Variants in HTR4 observed in about 807,000 individuals in gnomAD.
HTR4 encodes the protein 5-hydroxytryptamine (serotonin) receptor 4, G protein-coupled.
HTR4 carries 16 observed loss-of-function variants against 36.8 expected under a neutral mutation model. The ratio of observed to expected loss-of-function variants is 0.43; its 90% CI spans 0.29 to 0.66. The LOEUF (loss-of-function observed/expected upper bound fraction) is 0.66, where lower values mean the gene tolerates loss of function less well. Among genes scored for constraint, HTR4 ranks in the 30% least tolerant of loss-of-function variants. HTR4 has a pLI of 0.13. For synonymous variants in HTR4, 189 were observed against 185.1 expected (o/e 1.02, Z -0.17); for missense variants, 438 against 490.9 (o/e 0.89, Z 1.02).
chr5:148,506,182 A>G (rs1260351930), intron 6 of HTR4, among the ~76,000 whole-genome samples: 1 of 152,188 alleles, frequency 6.6e-6, no homozygotes, highest in Non-Finnish European at 1.5e-5. Context: ...AGAGATATAG[A>G]CTAATGGAAT....
chr5:148,599,389 G>C (rs1389558180), intron 2 of HTR4, among the ~76,000 whole-genome samples: 1 of 152,152 alleles, frequency 6.6e-6, no homozygotes, highest in Non-Finnish European at 1.5e-5. Context: ...AGCAGCTTGG[G>C]AGGTGGGGAG....
Position 148,509,851 on chromosome 5 carries a change from C to G in HTR4, c.681G>C (p.Gln227His). 6.2e-7 allele frequency: 1 copy of G among 1,614,030 alleles called. No individual in the cohort carries two copies. The highest frequency in any genetic ancestry group is 1.1e-5 in the South Asian group (1 of 91,060). ...AGGAGGCTCCTGCCCGTTGTAACAT[C>G]TGGATCTGATGGGCATGCTCCTTAG... ...VTAKEHAHQI[Q>H]MLQRAGASSE... is the part of the protein sequence containing the mutation. Residue 227 changes from glutamine to histidine, a missense_variant, in exon 6 of 7, where the codon CAG becomes CAC. Transcript: ENST00000377888.
At chr5:148,473,301 C>CAAAAAAAA (rs35164649), downstream of HTR4, among the ~76,000 whole-genome samples, 1 of 68,636 alleles carries the variant, frequency 1.5e-5, no homozygotes. Flanking sequence ...GACTCCATCT[C>CAAAAAAAA]AAAAAAAAAA....
intron 4 of HTR4, among the ~76,000 whole-genome samples, chr5:148,543,292 A>G (rs892858289): frequency 3.3e-5 from 5 of 152,216 alleles, no homozygotes; most frequent in African/African-American, 1.2e-4. Flanking sequence ...AGGGAGAACA[A>G]GAAGGCAAGA....
In HTR4 at chr5:148,642,459, A is replaced by G. The variant is rs73797939; in HGVS notation, c.-47-5398T>C. 2.5e-3 allele frequency among the ~76,000 whole-genome samples: 380 copies of G among 152,298 alleles called. 1 individual carries two copies. The highest frequency in any genetic ancestry group is 8.3e-3 in the African/African-American group (344 of 41,562). On this transcript the variant is annotated intron_variant, in intron 1 of 6. Coordinates refer to ENST00000377888, the MANE Select transcript of HTR4 (RefSeq NM_000870.7). The stretch of plus-strand genomic sequence containing the variant: ...TGTCTCAAATAGGTTCCATAGGTAG[A>G]ATAAAAGTTAGAGAAATGTGTAAGG...
intron 6 of HTR4, chr5:148,490,493 G>A (rs757668258): frequency 2.4e-5 from 19 of 789,324 alleles, no homozygotes; most frequent in Non-Finnish European, 2.8e-5. Flanking sequence ...CTGAAATAGA[G>A]TTTGCTGTCC....
chr5:148,505,808 A>T (rs1437185999), intron 6 of HTR4, among the ~76,000 whole-genome samples: 3 of 152,156 alleles, frequency 2.0e-5, no homozygotes, highest in Non-Finnish European at 4.4e-5. Context: ...TAGGAATCCA[A>T]CTCACAAGGG....
At chr5:148,592,593 A>G (rs1469759843) in intron 2 of HTR4, among the ~76,000 whole-genome samples, 1 of 151,972 alleles carries the variant, frequency 6.6e-6, no homozygotes, top group African/African-American at 2.4e-5. Context: ...CTTCACCAAT[A>G]TTTTTATATA....
intron 2 of HTR4, among the ~76,000 whole-genome samples, chr5:148,576,768 T>C (rs1009047716): frequency 2.0e-5 from 3 of 152,158 alleles, no homozygotes; most frequent in African/African-American, 7.2e-5. Context: ...GCTAGCCATA[T>C]GCAGAAGATT....
intron 6 of HTR4, chr5:148,509,253 A>T (rs1757374111): frequency 1.9e-6 from 1 of 513,162 alleles, no homozygotes; most frequent in Admixed American, 3.6e-5. Flanking sequence ...TGGGGACTTG[A>T]TTAGAATTCA....
At chr5:148,517,332 A>AT (rs1192827399) in intron 5 of HTR4, among the ~76,000 whole-genome samples, 3 of 151,604 alleles carry the variant, frequency 2.0e-5, no homozygotes, top group African/African-American at 7.3e-5. Context: ...ATCTAGTCAT[A>AT]TGGATTTAAA....
At chr5:148,532,196 A>G (rs187020287) in intron 4 of HTR4, among the ~76,000 whole-genome samples, 1 of 152,274 alleles carries the variant, frequency 6.6e-6, no homozygotes. Context: ...AAACCACTGC[A>G]TTGCCTTCCA....
At chr5:148,461,360 T>C (rs1331477618) in intron 5 of HTR4, among the ~76,000 whole-genome samples, 3 of 152,016 alleles carry the variant, frequency 2.0e-5, no homozygotes, top group Non-Finnish European at 4.4e-5. Context: ...AAACTATATG[T>C]TGTCTACAAG....
intron 4 of HTR4, among the ~76,000 whole-genome samples, chr5:148,540,444 A>G (rs1305148104): frequency 1.8e-5 from 2 of 111,482 alleles, no homozygotes; most frequent in Non-Finnish European, 3.9e-5. Context: ...ATATATATAT[A>G]TATAATCTTA....
chr5:148,504,154 T>C (rs148254482), intron 6 of HTR4, among the ~76,000 whole-genome samples: 222 of 152,314 alleles, frequency 1.5e-3, no homozygotes, highest in African/African-American at 5.0e-3. Flanking sequence ...CTAATAGACG[T>C]CTACAGAACT....
intron 6 of HTR4, among the ~76,000 whole-genome samples, chr5:148,505,819 A>T (rs1229999024): frequency 6.6e-6 from 1 of 152,196 alleles, no homozygotes; most frequent in Non-Finnish European, 1.5e-5. Context: ...CTCACAAGGG[A>T]TGTGAAGGAC....
chr5:148,609,047 T>C (rs1272210855), intron 2 of HTR4, among the ~76,000 whole-genome samples: 1 of 152,190 alleles, frequency 6.6e-6, no homozygotes, highest in Admixed American at 6.5e-5. Context: ...AGTACTTTGA[T>C]TCTGTGCTGA....
chr5:148,525,086 CTG>C (rs1272119850), intron 4 of HTR4, among the ~76,000 whole-genome samples: 2 of 152,180 alleles, frequency 1.3e-5, no homozygotes, highest in African/African-American at 4.8e-5. Flanking sequence ...GAATGGGAGA[CTG>C]TCTTGCTCCG....
chr5:148,607,550 T>G (rs72832081), intron 2 of HTR4, among the ~76,000 whole-genome samples: 1 of 152,192 alleles, frequency 6.6e-6, no homozygotes, highest in East Asian at 1.9e-4. Context: ...TCAACTTTGA[T>G]GAGCCTCTCC....
Sources: allele counts gnomAD v4.1 joint callset (sites outside exome capture counted in the v4.1 genomes callset), GRCh38; gene constraint gnomAD v4.1.1; transcripts MANE v1.5; gene names NCBI Gene and HGNC (gene_info 2026-07-23, HGNC 2026-07-21).